MAGI3: variants seen among roughly 807,000 people sequenced by gnomAD.
MAGI3 encodes the protein membrane associated guanylate kinase, WW and PDZ domain containing 3, also known as membrane-associated guanylate kinase, WW and PDZ domain-containing protein 3.
Under a neutral mutation model 121.8 loss-of-function variants are expected in MAGI3, and 43 were observed. The observed-to-expected ratio is 0.35, with a 90% CI of 0.28 to 0.46. MAGI3 has a LOEUF of 0.46. Ranked by LOEUF, MAGI3 falls within the 20% of genes least tolerant of loss-of-function variation. The pLI is 1.00. For missense variants in MAGI3, 1,547 were observed against 1,797.3 expected, an observed-to-expected ratio of 0.86 and a Z score of 2.52; for synonymous variants, 553 against 639.3, an observed-to-expected ratio of 0.86 and a Z score of 2.04.
intron 1 of MAGI3, among the ~76,000 whole-genome samples, chr1:113,459,636 C>T (rs1654933833): frequency 6.6e-6 from 1 of 152,162 alleles, no homozygotes; most frequent in South Asian, 2.1e-4. Flanking sequence ...CATCTAATAA[C>T]TGTGAAATAT....
chr1:113,580,724 G>C, intron 3 of MAGI3, 63 bp downstream of exon 3: 1 of 1,445,386 alleles, frequency 6.9e-7, no homozygotes, highest in South Asian at 1.6e-5. Flanking sequence ...AATTATTTCA[G>C]AGGGAATTTG....
intron 1 of MAGI3, among the ~76,000 whole-genome samples, chr1:113,455,026 G>T (rs1300479082): frequency 8.5e-5 from 13 of 152,252 alleles, no homozygotes; most frequent in Admixed American, 2.6e-4. Flanking sequence ...CAGAATAGAT[G>T]TCATAGTTCT....
In MAGI3 at chr1:113,391,238, G is replaced by A; in HGVS notation, c.205G>A (p.Asp69Asn). Residue 69 changes from aspartate (D) to asparagine (N), a missense_variant, in exon 1 of 21, where the codon GAT (aspartate) becomes AAT (asparagine). Coordinates refer to ENST00000307546, the MANE Select transcript of MAGI3 (RefSeq NM_001142782.2). The surrounding 1 kb of genome is among the most constrained non-coding windows in gnomAD (Gnocchi z 4.4). ...CTCGGGCAAGGCGCCCAGCCCAGGC[G>A]ATGTGCTGCTGGAGGTAAACGGGAC... ...VVSGKAPSPGDVLLEVNGTPV... is the reference protein window; with the variant it reads ...VVSGKAPSPGNVLLEVNGTPV... 2 of 1,569,294 alleles carry A rather than the reference G, an allele frequency of 1.3e-6. No individual in the cohort carries two copies. Among genetic ancestry groups the A allele is most frequent in the African/African-American group, 2.7e-5 (2 of 73,706 alleles).
chr1:113,426,125 T>G (rs1489804018), intron 1 of MAGI3, among the ~76,000 whole-genome samples: 1 of 152,234 alleles, frequency 6.6e-6, no homozygotes, highest in Non-Finnish European at 1.5e-5. Flanking sequence ...CTGTGTATTT[T>G]TAAATGTTCC....
intron 19 of MAGI3, among the ~76,000 whole-genome samples, chr1:113,674,887 A>G (rs1030627397): frequency 6.6e-6 from 1 of 152,260 alleles, no homozygotes. Context: ...AATAGGTGGC[A>G]TTGACAGGTG....
At chr1:113,456,715 G>C (rs771283193) in intron 1 of MAGI3, among the ~76,000 whole-genome samples, 1 of 152,126 alleles carries the variant, frequency 6.6e-6, no homozygotes, top group African/African-American at 2.4e-5. Flanking sequence ...TTAATGGTTT[G>C]GATGAAGACT....
intron 5 of MAGI3, among the ~76,000 whole-genome samples, chr1:113,592,266 C>G (rs918328137): frequency 1.3e-5 from 2 of 152,130 alleles, no homozygotes; most frequent in African/African-American, 4.8e-5. Flanking sequence ...TATGGTTGAT[C>G]TGTATTACTG....
At chr1:113,639,296 G>A (rs1261958110) in intron 9 of MAGI3, among the ~76,000 whole-genome samples, 1 of 152,242 alleles carries the variant, frequency 6.6e-6, no homozygotes, top group African/African-American at 2.4e-5. Context: ...TACCTCAGAT[G>A]GAAATGCAGA....
chr1:113,413,575 C>T (rs1419900186), intron 1 of MAGI3, among the ~76,000 whole-genome samples: 2 of 152,052 alleles, frequency 1.3e-5, no homozygotes, highest in African/African-American at 4.8e-5. Context: ...TTGTAGTTCT[C>T]CTTGAAGAGG....
Position 113,683,992 on chromosome 1 carries a change from G to A in MAGI3, c.4424G>A (p.Gly1475Asp). ...GGAAATAAAGTCACAGGCACTATTG[G>A]TATGGCTGAGAAACGGCAGTAACCT... ...PSGNKVTGTI[G>D]MAEKRQ The change falls in exon 21 of 21, where the codon GGT becomes GAT. Residue 1475 changes from glycine (G) to aspartate (D), a missense_variant. Gly to Asp is a moderately conservative substitution (Grantham distance 94). Coordinates refer to ENST00000307546, the MANE Select transcript of MAGI3 (RefSeq NM_001142782.2). 1.3e-6 allele frequency: 2 copies of A among 1,577,030 alleles called. No individual in the cohort carries two copies. Among genetic ancestry groups the A allele is most frequent in the South Asian group, 1.2e-5 (1 of 84,004 alleles).
intron 1 of MAGI3, among the ~76,000 whole-genome samples, chr1:113,488,495 C>T (rs894783683): frequency 6.6e-6 from 1 of 152,128 alleles, no homozygotes; most frequent in African/African-American, 2.4e-5. Context: ...TGCATTATAG[C>T]TTCTGTACTG....
In MAGI3 at chr1:113,684,062, C is replaced by A; in HGVS notation, c.*48C>A. ...AACAAGTTGTAATCTTTTCTTACAG[C>A]AGCATTTTTCCAGAAAAAGCCTTTT... On this transcript the variant is annotated 3_prime_UTR_variant, in exon 21 of 21. Transcript: ENST00000307546. The A allele has an allele frequency of 2.1e-6, 3 of 1,438,378 alleles. No individual in the cohort carries two copies. The allele number at this position is 1,438,378 out of a possible 1,614,324, so 89.1% of individuals were successfully genotyped here.
At chr1:113,449,680 G>T (rs1043157088) in intron 1 of MAGI3, 8 of 781,324 alleles carry the variant, frequency 1.0e-5, no homozygotes, top group Admixed American at 1.7e-5. Context: ...CGAGTTGGAA[G>T]AGGCGAGTCT....
At chr1:113,429,627 G>A (rs1267270735) in intron 1 of MAGI3, among the ~76,000 whole-genome samples, 1 of 152,200 alleles carries the variant, frequency 6.6e-6, no homozygotes, top group Non-Finnish European at 1.5e-5. Context: ...GTTGCGGAAA[G>A]TGACCAGTCA....
At chr1:113,416,445 G>T (rs1041176858) in intron 1 of MAGI3, among the ~76,000 whole-genome samples, 63 of 3,512 alleles carry the variant, frequency 0.018, 2 homozygotes, top group East Asian at 0.1. Flanking sequence ...AATTATATAT[G>T]ATTTATATAT....
intron 1 of MAGI3, among the ~76,000 whole-genome samples, chr1:113,503,996 A>G (rs1393135198): frequency 1.3e-5 from 2 of 152,112 alleles, no homozygotes; most frequent in Non-Finnish European, 2.9e-5. Context: ...TTCTATGAAA[A>G]GTATATTTAC....
In MAGI3 at chr1:113,391,096, C is replaced by T. The variant is rs755945563; in HGVS notation, c.63C>T (p.Ser21=). Residue 21 remains serine (S), a synonymous_variant, in exon 1 of 21, where the codon TCC becomes TCT. Transcript: ENST00000307546. This position sits in a 1 kb window ranked among gnomAD's most constrained non-coding sequence, Gnocchi z 4.4. ...WLSKVQECAV[S]WAGPPGDFGA... ...GCAAGGTGCAGGAGTGCGCCGTGTCCTGGGCCGGGCCCCCGGGCGACTTCG... is the reference window on the plus strand; with the variant it reads ...GCAAGGTGCAGGAGTGCGCCGTGTCTTGGGCCGGGCCCCCGGGCGACTTCG... 18 of 1,586,738 alleles carry T rather than the reference C, an allele frequency of 1.1e-5. No individual in the cohort carries two copies. The highest frequency in any genetic ancestry group is 3.7e-4 in the Middle Eastern group (2 of 5,424).
chr1:113,479,564 T>A (rs1022300260), intron 1 of MAGI3, among the ~76,000 whole-genome samples: 11 of 152,248 alleles, frequency 7.2e-5, no homozygotes, highest in Non-Finnish European at 1.3e-4. Context: ...GATTAAAATG[T>A]GTCTTGGTAA....
chr1:113,478,917 C>T (rs1655983325), intron 1 of MAGI3, among the ~76,000 whole-genome samples: 1 of 152,194 alleles, frequency 6.6e-6, no homozygotes, highest in African/African-American at 2.4e-5. Context: ...TTCAAGCTTC[C>T]CCAAGCCGCT....
Sources: gnomAD v4.1 joint callset for allele counts (sites outside exome capture counted in the v4.1 genomes callset) on GRCh38, gnomAD v4.1.1 for gene constraint, Gnocchi (gnomAD v3.1) non-coding constraint, MANE v1.5 for transcripts, NCBI Gene and HGNC (gene_info 2026-07-23, HGNC 2026-07-21) for gene names.